Variants in WWOX observed in about 807,000 individuals in gnomAD.
The protein encoded by WWOX is WW domain containing oxidoreductase.
A neutral mutation model predicts 46.2 loss-of-function variants in WWOX; 69 were observed. The ratio of observed to expected loss-of-function variants is 1.49; its 90% CI spans 1.23 to 1.82. WWOX has a LOEUF of 1.82. Among genes scored for constraint, WWOX ranks in the 40% most tolerant of loss-of-function variants. WWOX has a pLI of 0.00. For synonymous variants in WWOX, 359 were observed against 202.6 expected, an observed-to-expected ratio of 1.77 and a Z score of -6.56; for missense variants, 919 against 542.6, an observed-to-expected ratio of 1.69 and a Z score of -6.89.
At chr16:78,835,521 T>A (rs1233893257) in intron 8 of WWOX, among the ~76,000 whole-genome samples, 2 of 152,312 alleles carry the variant, frequency 1.3e-5, no homozygotes, top group East Asian at 3.9e-4. Flanking sequence ...CCCCGTAAAA[T>A]CACACAATCA....
chr16:78,594,825 C>T (rs1425840292), intron 8 of WWOX, among the ~76,000 whole-genome samples: 1 of 152,142 alleles, frequency 6.6e-6, no homozygotes, highest in Non-Finnish European at 1.5e-5. Context: ...TAAATTAAAG[C>T]AATTTCATTT....
At chr16:78,886,344 G>A (rs1055039751) in intron 8 of WWOX, among the ~76,000 whole-genome samples, 21 of 148,828 alleles carry the variant, frequency 1.4e-4, no homozygotes, top group African/African-American at 5.2e-4. Flanking sequence ...TGTGCATTCT[G>A]TATTCTACTT....
Position 78,434,556 on chromosome 16 carries a change from C to T in WWOX, c.1056+1804C>T, listed in dbSNP as rs150375530. ...TGGATTCTTCCTTATTTTCTGCTGG[C>T]CCAGTGCCTTCCGCTTTAACAAGCC... On this transcript the variant is annotated intron_variant, in intron 8 of 8. Coordinates refer to ENST00000566780, the MANE Select transcript of WWOX (RefSeq NM_016373.4). 2.5e-3 allele frequency among the ~76,000 whole-genome samples: 383 copies of T among 152,256 alleles called. 3 individuals are homozygous for T. The highest frequency in any genetic ancestry group is 8.8e-3 in the African/African-American group (365 of 41,538).
intron 6 of WWOX, among the ~76,000 whole-genome samples, chr16:78,418,615 G>T (rs1168121482): frequency 2.6e-5 from 4 of 152,098 alleles, no homozygotes; most frequent in African/African-American, 9.7e-5. Context: ...TTATGACTAA[G>T]TGGAATTTAT....
At chr16:78,672,448 G>A (rs982754050) in intron 8 of WWOX, among the ~76,000 whole-genome samples, 2 of 152,198 alleles carry the variant, frequency 1.3e-5, no homozygotes, top group Non-Finnish European at 2.9e-5. Context: ...GAATGTGGGT[G>A]TGTGCACTCC....
intron 5 of WWOX, among the ~76,000 whole-genome samples, chr16:78,241,809 C>T (rs552702361): frequency 2.6e-5 from 4 of 152,130 alleles, no homozygotes; most frequent in Admixed American, 1.3e-4. Flanking sequence ...TCAGAGAGGG[C>T]GGAGTCAGAG....
chr16:79,125,690 C>T (rs1356958864), intron 8 of WWOX, among the ~76,000 whole-genome samples: 1 of 152,136 alleles, frequency 6.6e-6, no homozygotes, highest in Non-Finnish European at 1.5e-5. Context: ...GACCAAGTGT[C>T]AACAATGTTG....
chr16:78,582,643 C>T (rs551308370), intron 8 of WWOX, among the ~76,000 whole-genome samples: 13 of 152,206 alleles, frequency 8.5e-5, no homozygotes, highest in Non-Finnish European at 1.3e-4. Context: ...AACCTTAGCC[C>T]GATACCTCTA....
chr16:78,153,241 G>C (rs1079572), intron 4 of WWOX, among the ~76,000 whole-genome samples: 1 of 151,926 alleles, frequency 6.6e-6, no homozygotes, highest in Admixed American at 6.5e-5. Flanking sequence ...TGAGCATATA[G>C]GCGTGGTGTA....
At chr16:78,829,149 T>C (rs1384658792) in intron 8 of WWOX, among the ~76,000 whole-genome samples, 2 of 151,722 alleles carry the variant, frequency 1.3e-5, no homozygotes, top group Non-Finnish European at 2.9e-5. Flanking sequence ...GAGAGACAGA[T>C]AGGCAGACAG....
At chr16:79,137,648 G>A (rs2050008366) in intron 8 of WWOX, among the ~76,000 whole-genome samples, 1 of 152,092 alleles carries the variant, frequency 6.6e-6, no homozygotes, top group Admixed American at 6.5e-5. Context: ...TCAATGTGTT[G>A]GGAAAGAAAT....
chr16:78,809,329 A>G (rs903602017), intron 8 of WWOX, among the ~76,000 whole-genome samples: 3 of 150,038 alleles, frequency 2.0e-5, no homozygotes, highest in South Asian at 2.1e-4. Flanking sequence ...AAAAAAAAAA[A>G]GAAAAAACCA....
chr16:78,959,978 G>C (rs955331268), intron 8 of WWOX, among the ~76,000 whole-genome samples: 10 of 152,180 alleles, frequency 6.6e-5, no homozygotes, highest in Admixed American at 3.9e-4. Context: ...TATAAGGTGA[G>C]AGACTTCTGG....
chr16:78,972,182 G>A (rs771337263), intron 8 of WWOX, among the ~76,000 whole-genome samples: 2 of 152,138 alleles, frequency 1.3e-5, no homozygotes, highest in Non-Finnish European at 2.9e-5. Context: ...ATGAAACTGG[G>A]CTCCCTGGCC....
chr16:79,011,309 C>T (rs763762043), intron 8 of WWOX, among the ~76,000 whole-genome samples: 10 of 151,644 alleles, frequency 6.6e-5, no homozygotes, highest in Non-Finnish European at 1.0e-4. Flanking sequence ...AACACTATTA[C>T]GTAGTATTAT....
chr16:79,102,616 C>G (rs920813071), intron 8 of WWOX, among the ~76,000 whole-genome samples: 2 of 151,972 alleles, frequency 1.3e-5, no homozygotes, highest in African/African-American at 4.8e-5. Context: ...TGAAAATGAT[C>G]TCATTAAACA....
chr16:78,912,844 G>A (rs1216044559), intron 8 of WWOX, among the ~76,000 whole-genome samples: 1 of 151,914 alleles, frequency 6.6e-6, no homozygotes, highest in East Asian at 1.9e-4. Flanking sequence ...GAGGTCAGAC[G>A]TATTATCATT....
At position 78,164,193 on chromosome 16, in the gene WWOX, C is replaced by T. The variant is rs374644172; in HGVS notation, c.420C>T (p.Thr140=). Residue 140 remains threonine, a synonymous_variant, in exon 5 of 9, where the codon ACC becomes ACT. Transcript: ENST00000566780. ...TCCTTTAAACCATAGGGTTCGAAAC[C>T]GCCAAGTCTTTTGCCCTCCATGGTG... ...TGANSGIGFE[T]AKSFALHGAH... The T allele has an allele frequency of 6.1e-5, 98 of 1,613,814 alleles. No homozygotes were observed. Among genetic ancestry groups the T allele is most frequent in the South Asian group, 4.2e-4 (38 of 90,992 alleles).
At chr16:78,802,381 C>G (rs1182700037) in intron 8 of WWOX, among the ~76,000 whole-genome samples, 1 of 151,742 alleles carries the variant, frequency 6.6e-6, no homozygotes, top group East Asian at 1.9e-4. Flanking sequence ...TGGAATTGAA[C>G]AGGTAGGTTG....
Sources: gnomAD v4.1 joint callset for allele counts (sites outside exome capture counted in the v4.1 genomes callset) on GRCh38, gnomAD v4.1.1 for gene constraint, MANE v1.5 for transcripts, NCBI Gene and HGNC (gene_info 2026-07-23, HGNC 2026-07-21) for gene names.